The following MCRS1 variants were observed in gnomAD, a reference collection of about 807,000 sequenced individuals.
MCRS1 encodes 58 kDa microspherule protein.
In MCRS1, 22 loss-of-function variants were observed where a neutral mutation model predicts 62.9. The ratio of observed to expected loss-of-function variants is 0.35; its 90% CI spans 0.25 to 0.50. The LOEUF (loss-of-function observed/expected upper bound fraction) is 0.50, where lower values mean the gene tolerates loss of function less well. MCRS1 is among the 20% of genes least tolerant of loss of function. MCRS1 has a pLI of 0.98. For synonymous variants in MCRS1, 244 were observed against 233.5 expected (o/e 1.04, Z -0.41); for missense variants, 456 against 601.1 (o/e 0.76, Z 2.52).
Position 49,559,676 on chromosome 12 carries a change from G to T in MCRS1, c.1003+53C>A. On this transcript the variant is annotated intron_variant, in intron 11 of 14. Transcript: ENST00000343810. The surrounding 1 kb of genome is among the most constrained non-coding windows in gnomAD (Gnocchi z 5.2). ...CAGCCAGGCAGCAACAGGGGCACAG[G>T]CTGGGGCGAAGGATGCTGAAGAGTG... The T allele has an allele frequency of 6.2e-7, 1 of 1,607,002 alleles. No homozygotes were observed. Among genetic ancestry groups the T allele is most frequent in the Non-Finnish European group, 8.5e-7 (1 of 1,174,432 alleles).
intron 7 of MCRS1, 127 bp downstream of exon 7, chr12:49,563,311 A>C: frequency 3.7e-6 from 5 of 1,352,174 alleles, no homozygotes; most frequent in Middle Eastern, 2.0e-4. Context: ...CGCCCCTGCC[A>C]ATGTGCACAC....
chr12:49,561,134 AG>A (rs1313167447), intron 8 of MCRS1, among the ~76,000 whole-genome samples: 1 of 152,154 alleles, frequency 6.6e-6, no homozygotes, highest in Admixed American at 6.5e-5. Context: ...CTGAGGCAAG[AG>A]GATCTCTTGA....
In MCRS1 at chr12:49,563,031, T is replaced by G; in HGVS notation, c.775A>C (p.Lys259Gln). 1 of 1,592,760 alleles carries G rather than the reference T, an allele frequency of 6.3e-7. No homozygotes were observed. The highest frequency in any genetic ancestry group is 8.6e-7 in the Non-Finnish European group (1 of 1,167,826). The change falls in exon 8 of 15, where the codon AAG becomes CAG. Residue 259 changes from lysine (K) to glutamine (Q), a missense_variant. By Grantham distance (53) the Lys-to-Gln change is moderately conservative (BLOSUM62 1). Around this residue, in one of 3 missense-constraint regions of MCRS1, gnomAD observed 393 missense variants for 523.5 expected, o/e 0.75. Transcript: ENST00000343810. Reference protein sequence around the residue: ...KALQAHWQLMKQYYLLEDQTV... With the variant: ...KALQAHWQLMQQYYLLEDQTV... ...TGGTCCTCCAGCAGGTAATACTGCT[T>G]CATGAGCTGCCAGTGGGCCTGCAGG... is the stretch of plus-strand genomic sequence containing the variant.
At chr12:49,561,254 C>T (rs888767177) in intron 8 of MCRS1, among the ~76,000 whole-genome samples, 1 of 152,166 alleles carries the variant, frequency 6.6e-6, no homozygotes, top group African/African-American at 2.4e-5. Context: ...TTAGGCCAGC[C>T]GTTCCCAAGA....
chr12:49,562,015 G>A (rs887508877), intron 8 of MCRS1, among the ~76,000 whole-genome samples: 1 of 152,210 alleles, frequency 6.6e-6, no homozygotes, highest in Non-Finnish European at 1.5e-5. Flanking sequence ...TGTGATATCT[G>A]AGTCTGAGGA....
chr12:49,565,337 G>A (rs1938999463), intron 4 of MCRS1, 192 bp downstream of exon 4: 2 of 985,396 alleles, frequency 2.0e-6, no homozygotes, highest in Non-Finnish European at 2.4e-6. Flanking sequence ...CAGGGTTGGG[G>A]GTGGGGGCTG....
At chr12:49,562,696 T>C (rs1322961798) in intron 8 of MCRS1, among the ~76,000 whole-genome samples, 1 of 152,188 alleles carries the variant, frequency 6.6e-6, no homozygotes, top group Non-Finnish European at 1.5e-5. Context: ...CATGTGTTAT[T>C]TATGTGAGAA....
Position 49,562,050 on chromosome 12 carries a change from G to T in MCRS1, c.805+951C>A, listed in dbSNP as rs555231503. 1.9e-4 allele frequency among the ~76,000 whole-genome samples: 29 copies of T among 152,276 alleles called. 1 individual carries two copies. In the South Asian group the frequency reaches 5.8e-3, roughly 31 times the overall value. On this transcript the variant is annotated intron_variant, in intron 8 of 14. Coordinates refer to ENST00000343810, the MANE Select transcript of MCRS1 (RefSeq NM_006337.5). ...AAGAGGCAGAATTTTGGAAGCCGCA[G>T]GAATAAAGAGGGCTGCCCCCGGGCC...
intron 4 of MCRS1, 61 bp from the exon 5 acceptor site, chr12:49,564,956 T>C: frequency 6.6e-7 from 1 of 1,512,652 alleles, no homozygotes; most frequent in Non-Finnish European, 8.9e-7. Context: ...TGGCGCTTCA[T>C]GACTAGAGTT....
rs901745146 is a variant in MCRS1 at position 49,560,184 on chromosome 12, G to A, written c.881+111C>T. ...GGAGGGGAGGGGGCTCAGCCAGGGG[G>A]GGCCAAGCACCAACGGGAGCCCAAG... On this transcript the variant is annotated intron_variant, in intron 9 of 14. Transcript: ENST00000343810. 37 of 1,292,688 alleles carry A rather than the reference G, an allele frequency of 2.9e-5. No individual in the cohort carries two copies. The Admixed American group carries it at 6.0e-4, about 21-fold the overall frequency. 80.1% of individuals were successfully genotyped at this position (1,292,688 alleles called of 1,614,324 possible). A position where few individuals can be genotyped will look rare whatever the true frequency, so the allele number is the denominator to read the frequency against.
In MCRS1 at chr12:49,558,573, C is replaced by G; in HGVS notation, c.*70G>C. On this transcript the variant is annotated 3_prime_UTR_variant, in exon 15 of 15. Coordinates refer to ENST00000343810, the MANE Select transcript of MCRS1 (RefSeq NM_006337.5). ...CCAGGTTTTTCCAGGAGCCTGAGTTCCCAGCTCAAGGGGGCTGGAGTGGCA... is the reference window on the plus strand; with the variant it reads ...CCAGGTTTTTCCAGGAGCCTGAGTTGCCAGCTCAAGGGGGCTGGAGTGGCA... The G allele has an allele frequency of 6.6e-7, 1 of 1,509,994 alleles. No individual in the cohort carries two copies. Among genetic ancestry groups the G allele is most frequent in the Non-Finnish European group, 9.1e-7 (1 of 1,098,796 alleles). The allele number at this position is 1,509,994 out of a possible 1,614,324, so 93.5% of individuals were successfully genotyped here.
intron 9 of MCRS1, among the ~76,000 whole-genome samples, 155 bp from the exon 10 acceptor site, chr12:49,560,122 T>C (rs1938682623): frequency 6.6e-6 from 1 of 151,950 alleles, no homozygotes. Flanking sequence ...GGGCTGGGGA[T>C]AAGGGTAAAG....
chr12:49,560,190 A>G, intron 9 of MCRS1, 105 bp downstream of exon 9: 1 of 1,340,418 alleles, frequency 7.5e-7, no homozygotes, highest in South Asian at 1.2e-5. Flanking sequence ...GGGGGGGCCA[A>G]GCACCAACGG....
At chr12:49,565,136 C>T (rs1938988906) in intron 4 of MCRS1, 2 of 985,250 alleles carry the variant, frequency 2.0e-6, no homozygotes, top group South Asian at 4.7e-5. Context: ...TGGCAGTATC[C>T]CCGACCCCAG....
At chr12:49,563,363 CCACAT>C in intron 7 of MCRS1, 70 bp downstream of exon 7, 1 of 1,454,180 alleles carries the variant, frequency 6.9e-7, no homozygotes, top group Non-Finnish European at 9.5e-7. Flanking sequence ...GGGGAGCTCT[CCACAT>C]CAGTGGTTTT....
intron 3 of MCRS1, 89 bp from the exon 4 acceptor site, chr12:49,565,756 A>G (rs1939025591): frequency 1.3e-6 from 2 of 1,577,708 alleles, no homozygotes; most frequent in Non-Finnish European, 8.7e-7. Context: ...GCAGGTGCCC[A>G]GTAGGGTGCT....
chr12:49,561,049 G>T (rs1565789283), intron 8 of MCRS1, among the ~76,000 whole-genome samples: 1 of 150,804 alleles, frequency 6.6e-6, no homozygotes, highest in Non-Finnish European at 1.5e-5. Flanking sequence ...ATGAAAGTCT[G>T]TTTTTTTTTC....
Position 49,559,899 on chromosome 12 carries a change from G to GA in MCRS1, c.910+39dup. ...GTACTGGTCCTCTTGATTCTGGCAG[G>GA]AGCTTCCATCCCCTCACCACCCCAT... On this transcript the variant is annotated intron_variant, in intron 10 of 14. Transcript: ENST00000343810. The surrounding 1 kb of genome is among the most constrained non-coding windows in gnomAD (Gnocchi z 5.2). 1 of 1,614,122 alleles carries GA rather than the reference G, an allele frequency of 6.2e-7. No homozygotes were observed. The highest frequency in any genetic ancestry group is 1.1e-5 in the South Asian group (1 of 91,080).
intron 3 of MCRS1, 69 bp downstream of exon 3, chr12:49,566,008 G>A (rs2138202973): frequency 6.4e-6 from 10 of 1,555,024 alleles, no homozygotes; most frequent in Non-Finnish European, 8.7e-6. Flanking sequence ...CAGATGGGGA[G>A]GCATGTGGCA....
Sources: gnomAD v4.1 joint callset for allele counts (sites outside exome capture counted in the v4.1 genomes callset) on GRCh38, gnomAD v4.1.1 for gene constraint, gnomAD v4.1.1 regional missense constraint, Gnocchi (gnomAD v3.1) non-coding constraint, MANE v1.5 for transcripts, NCBI Gene and HGNC (gene_info 2026-07-23, HGNC 2026-07-21) for gene names.